Variants in PLXNA4 observed in about 807,000 individuals in gnomAD.
PLXNA4 encodes plexin A4, also known as plexin-A4.
In PLXNA4, 44 loss-of-function variants were observed where a neutral mutation model predicts 191.8. The observed-to-expected ratio is 0.23, with a 90% CI of 0.18 to 0.29. PLXNA4 has a LOEUF of 0.29. Among genes scored for constraint, PLXNA4 ranks in the 10% least tolerant of loss-of-function variants. The pLI, the probability that PLXNA4 is intolerant of heterozygous loss-of-function variation, is 1.00. For synonymous variants in PLXNA4, 1,082 were observed against 1,009.5 expected (o/e 1.07, Z -1.36); for missense variants, 1,800 against 2,488.8 (o/e 0.72, Z 5.89).
chr7:132,130,934 C>T (rs1794908690), intron 31 of PLXNA4, among the ~76,000 whole-genome samples: 1 of 152,146 alleles, frequency 6.6e-6, no homozygotes, highest in Non-Finnish European at 1.5e-5. Flanking sequence ...GCAGCTAGTT[C>T]CATATCCGAT....
chr7:132,259,293 G>T lies in PLXNA4; in HGVS notation c.1504-18127C>A, dbSNP rs972148748. Among the ~76,000 whole-genome samples, 13 of 151,800 alleles carry T rather than the reference G, an allele frequency of 8.6e-5. No individual in the cohort carries two copies. The East Asian group carries it at 2.3e-3, about 27-fold the overall frequency. ...GCTTAGAAAACCAGCCCATCTAGCT[G>T]GGTGTGGTGGCACGCACCTGTAATC... On this transcript the variant is annotated intron_variant, in intron 4 of 31. Transcript: ENST00000321063.
chr7:132,245,968 G>A (rs967560711), intron 4 of PLXNA4, among the ~76,000 whole-genome samples: 2 of 152,250 alleles, frequency 1.3e-5, no homozygotes, highest in African/African-American at 4.8e-5. Context: ...AATGGGCAAA[G>A]ACTTTCTGTT....
intron 3 of PLXNA4, among the ~76,000 whole-genome samples, chr7:132,462,836 ATTTTTTTTTTT>A (rs57607720): frequency 4.4e-4 from 39 of 88,936 alleles, no homozygotes; most frequent in African/African-American, 1.7e-3. Flanking sequence ...CATTTCTATA[ATTTTTTTTTTT>A]TTTTTTTTTT....
chr7:132,341,458 G>C (rs1365919254), intron 3 of PLXNA4, among the ~76,000 whole-genome samples: 1 of 152,212 alleles, frequency 6.6e-6, no homozygotes, highest in Non-Finnish European at 1.5e-5. Flanking sequence ...CTAATATATA[G>C]TAAAATCTCA....
chr7:132,549,775 T>G (rs200739870), intron 1 of PLXNA4, among the ~76,000 whole-genome samples: 1 of 2,422 alleles, frequency 4.1e-4, no homozygotes, highest in Non-Finnish European at 1.6e-3. Flanking sequence ...GGGTGAGTTG[T>G]TTGTTTGTTT....
In PLXNA4 at chr7:132,404,864, G is replaced by A. The variant is rs183357639; in HGVS notation, c.1371+84428C>T. The stretch of plus-strand genomic sequence containing the variant: ...CAGGAGACCAGAAGGTATAGAGGGT[G>A]GAAAGACGAAGCTTCAGGGGGAGTA... On this transcript the variant is annotated intron_variant, in intron 3 of 31. Transcript: ENST00000321063. 3.3e-5 allele frequency among the ~76,000 whole-genome samples: 5 copies of A among 152,156 alleles called. No individual in the cohort carries two copies. In the East Asian group the frequency reaches 7.7e-4, roughly 24 times the overall value.
At chr7:132,319,662 A>G (rs1802088490) in intron 3 of PLXNA4, among the ~76,000 whole-genome samples, 1 of 152,164 alleles carries the variant, frequency 6.6e-6, no homozygotes, top group Admixed American at 6.5e-5. Context: ...CTGTTTCCTT[A>G]TGCTAATTTC....
intron 2 of PLXNA4, among the ~76,000 whole-genome samples, chr7:132,644,630 T>C (rs1803830372): frequency 6.6e-6 from 1 of 152,188 alleles, no homozygotes; most frequent in African/African-American, 2.4e-5. Context: ...CCTTTCAGCA[T>C]TGGTTCCAGG....
chr7:132,539,720 T>C (rs1016072288), intron 1 of PLXNA4, among the ~76,000 whole-genome samples: 2 of 152,226 alleles, frequency 1.3e-5, no homozygotes, highest in East Asian at 3.9e-4. Context: ...AGACCCTGCA[T>C]AGAATGTGCT....
At chr7:132,598,331 A>G (rs1251000308) in intron 2 of PLXNA4, among the ~76,000 whole-genome samples, 3 of 152,104 alleles carry the variant, frequency 2.0e-5, no homozygotes, top group Non-Finnish European at 2.9e-5. Flanking sequence ...GGCTGGTCTC[A>G]AACTCCTGAA....
At chr7:132,194,256 G>A in intron 13 of PLXNA4, 77 bp from the exon 14 acceptor site, 1 of 1,513,866 alleles carries the variant, frequency 6.6e-7, no homozygotes, top group South Asian at 1.3e-5. Context: ...CACCTACCCA[G>A]GTCCCTTTCT....
Position 132,424,213 on chromosome 7 carries a change from C to T in PLXNA4, c.1371+65079G>A, listed in dbSNP as rs894866978. 9.2e-5 allele frequency among the ~76,000 whole-genome samples: 14 copies of T among 152,178 alleles called. No homozygotes were observed. In the East Asian group the frequency reaches 1.3e-3, roughly 15 times the overall value. On this transcript the variant is annotated intron_variant, in intron 3 of 31. Coordinates refer to ENST00000321063, the MANE Select transcript of PLXNA4 (RefSeq NM_020911.2). ...CAACATCAGGCCCATGTCTTGGAAA[C>T]GCAGGGGTTGTGGATTCACATGCTG...
chr7:132,216,008 G>A (rs956752901), intron 9 of PLXNA4, among the ~76,000 whole-genome samples: 16 of 152,146 alleles, frequency 1.1e-4, no homozygotes, highest in African/African-American at 3.9e-4. Context: ...ATAACTGGTG[G>A]GTCAGAACTG....
chr7:132,356,646 C>T (rs961617917), intron 3 of PLXNA4, among the ~76,000 whole-genome samples: 2 of 152,182 alleles, frequency 1.3e-5, no homozygotes, highest in African/African-American at 4.8e-5. Context: ...GTATTATGGA[C>T]CTAACCATGC....
At chr7:132,418,527 A>G (rs1168871951) in intron 3 of PLXNA4, among the ~76,000 whole-genome samples, 1 of 152,184 alleles carries the variant, frequency 6.6e-6, no homozygotes, top group Non-Finnish European at 1.5e-5. Flanking sequence ...AGGGATGCCT[A>G]TTGTTAATGT....
chr7:132,361,002 A>T (rs1469486818), intron 3 of PLXNA4, among the ~76,000 whole-genome samples: 10 of 152,190 alleles, frequency 6.6e-5, no homozygotes, highest in Non-Finnish European at 8.8e-5. Context: ...AGTAAAATTG[A>T]TTGTATTACT....
intron 3 of PLXNA4, among the ~76,000 whole-genome samples, chr7:132,469,906 C>T (rs563083448): frequency 6.6e-6 from 1 of 152,290 alleles, no homozygotes; most frequent in African/African-American, 2.4e-5. Context: ...CAGTAAACAA[C>T]CAAGGTCGGT....
chr7:132,473,084 C>A (rs1401141387), intron 3 of PLXNA4, among the ~76,000 whole-genome samples: 1 of 152,200 alleles, frequency 6.6e-6, no homozygotes, highest in Non-Finnish European at 1.5e-5. Context: ...AGTGGGGGCA[C>A]ATTCCCTCTT....
chr7:132,264,684 C>CTT (rs56218905), intron 4 of PLXNA4, among the ~76,000 whole-genome samples: 9 of 130,320 alleles, frequency 6.9e-5, no homozygotes, highest in South Asian at 2.5e-4. Flanking sequence ...GTCCTCCCCG[C>CTT]TTTTTTTTTT....
Sources: allele counts gnomAD v4.1 joint callset (sites outside exome capture counted in the v4.1 genomes callset), GRCh38; gene constraint gnomAD v4.1.1; transcripts MANE v1.5; gene names NCBI Gene and HGNC (gene_info 2026-07-23, HGNC 2026-07-21).